TSPEAR: variants seen among roughly 807,000 people sequenced by gnomAD.
The protein encoded by TSPEAR is thrombospondin-type laminin G domain and EAR repeat-containing protein.
In TSPEAR, 69 loss-of-function variants were observed where a neutral mutation model predicts 71.6. That is an observed-to-expected ratio of 0.96 (90% CI 0.79 to 1.18). TSPEAR has a LOEUF of 1.18. Ranked by LOEUF, TSPEAR falls within the 50% of genes most tolerant of loss-of-function variation. The pLI, the probability that TSPEAR is intolerant of heterozygous loss-of-function variation, is 0.00. For missense variants in TSPEAR, 971 were observed against 894.9 expected, an observed-to-expected ratio of 1.09 and a Z score of -1.09; for synonymous variants, 402 against 387.2, an observed-to-expected ratio of 1.04 and a Z score of -0.45.
chr21:44,508,962 C>A, intron 10 of TSPEAR: 1 of 1,537,216 alleles, frequency 6.5e-7, no homozygotes, highest in Non-Finnish European at 8.8e-7. Context: ...ACTCCGCACA[C>A]AGCACCCGGC....
intron 1 of TSPEAR, among the ~76,000 whole-genome samples, chr21:44,703,017 C>T (rs1444661711): frequency 4.6e-5 from 7 of 152,184 alleles, no homozygotes; most frequent in Admixed American, 1.3e-4. Context: ...TGAAGGGCCC[C>T]GGGTGTTCCC....
chr21:44,652,407 G>A (rs1359990947), intron 1 of TSPEAR, among the ~76,000 whole-genome samples: 1 of 152,216 alleles, frequency 6.6e-6, no homozygotes, highest in Non-Finnish European at 1.5e-5. Flanking sequence ...TACCAGCACA[G>A]GCCACTTGAG....
intron 2 of TSPEAR, among the ~76,000 whole-genome samples, chr21:44,540,549 G>A (rs1234567574): frequency 1.3e-5 from 2 of 152,190 alleles, no homozygotes; most frequent in Non-Finnish European, 2.9e-5. Flanking sequence ...TGGCATGCCA[G>A]GGTGAGAGCT....
At chr21:44,529,768 G>T in intron 5 of TSPEAR, 30 bp downstream of exon 5, 1 of 1,612,572 alleles carries the variant, frequency 6.2e-7, no homozygotes. Context: ...ATCTGCCTTT[G>T]GTGTGGGGGC....
rs192748613 is a variant in TSPEAR, at chr21:44,513,920, G to A, written c.1567-4534C>T. Among the ~76,000 whole-genome samples the A allele has an allele frequency of 1.5e-3, 225 of 152,260 alleles. 1 individual carries two copies. Among genetic ancestry groups the A allele is most frequent in the African/African-American group, 4.9e-3 (203 of 41,560 alleles). ...AGCATCCCGGGTGGCCATGGGGGCA[G>A]CGCTACTGGATGACAGGTGACTCCC... On this transcript the variant is annotated intron_variant, in intron 9 of 11. Transcript: ENST00000323084.
rs1601566753 is a variant in TSPEAR, at chr21:44,687,226, T to C, written c.82+24207A>G. Among the ~76,000 whole-genome samples, 1 of 151,496 alleles carries C rather than the reference T, an allele frequency of 6.6e-6. No homozygotes were observed. Among genetic ancestry groups the C allele is most frequent in the Non-Finnish European group, 1.5e-5 (1 of 67,882 alleles). ...CCACTGAGGCGGTGTGACAGGGAGG[T>C]AGATTTCAGCTCAGCAGGAGGAAGG... On this transcript the variant is annotated intron_variant, in intron 1 of 11. Transcript: ENST00000323084. The surrounding 1 kb of genome is among the most constrained non-coding windows in gnomAD (Gnocchi z 4.4).
At chr21:44,508,830 C>T (rs782206335) in intron 10 of TSPEAR, 94 of 1,375,582 alleles carry the variant, frequency 6.8e-5, no homozygotes, top group East Asian at 8.8e-5. Flanking sequence ...AGCGGGCACT[C>T]GAAGCCTGCA....
In TSPEAR at chr21:44,521,892, C is replaced by G. The variant is rs1555914311; in HGVS notation, c.1557G>C (p.Gln519His). The change falls in exon 9 of 12, where the codon CAG (glutamine) becomes CAC (histidine). Residue 519 changes from glutamine (Q) to histidine (H), a missense_variant. Physicochemically the swap from Gln to His is conservative, Grantham distance 24. Transcript: ENST00000323084. Reference protein sequence around the residue: ...IRLLGSFQLFQSFPTFGAADW... With the variant: ...IRLLGSFQLFHSFPTFGAADW... The stretch of plus-strand genomic sequence containing the variant: ...ATGCGGGGGGCCTTACCGGGAAGGA[C>G]TGGAAGAGCTGGAAGGAGCCCAGGA... The G allele has an allele frequency of 6.2e-7, 1 of 1,613,452 alleles. No individual in the cohort carries two copies. The highest frequency in any genetic ancestry group is 1.3e-5 in the African/African-American group (1 of 74,924).
At chr21:44,625,980 T>C (rs2146199868) in intron 1 of TSPEAR, among the ~76,000 whole-genome samples, 1 of 152,324 alleles carries the variant, frequency 6.6e-6, no homozygotes, top group African/African-American at 2.4e-5. Context: ...CAGCTGGCCA[T>C]AGCTGGTCAA....
At chr21:44,565,675 G>T (rs233325) in intron 2 of TSPEAR, among the ~76,000 whole-genome samples, 1 of 151,932 alleles carries the variant, frequency 6.6e-6, no homozygotes, top group Non-Finnish European at 1.5e-5. Flanking sequence ...ATCCTTTCAT[G>T]TTAAAAACAC....
chr21:44,566,632 A>G (rs1555921769), intron 2 of TSPEAR, among the ~76,000 whole-genome samples: 1 of 152,200 alleles, frequency 6.6e-6, no homozygotes, highest in East Asian at 1.9e-4. Context: ...TACTACAGTA[A>G]CCAAGACTGT....
intron 1 of TSPEAR, among the ~76,000 whole-genome samples, chr21:44,578,532 G>T (rs462254): frequency 2.0e-5 from 3 of 152,084 alleles, no homozygotes; most frequent in Non-Finnish European, 4.4e-5. Flanking sequence ...TGTCGGCGAG[G>T]GTGCTAGGGA....
intron 2 of TSPEAR, among the ~76,000 whole-genome samples, chr21:44,565,164 G>A (rs11910575): frequency 0.26 from 40,257 of 152,000 alleles, 6,093 homozygotes; most frequent in East Asian, 0.4. Flanking sequence ...GTTTATAGTT[G>A]TAAATACCTG....
intron 1 of TSPEAR, chr21:44,647,183 A>G (rs200236653): frequency 1.4e-4 from 220 of 1,610,164 alleles, no homozygotes; most frequent in Middle Eastern, 1.7e-4. Context: ...CTCCTCTGCC[A>G]CCCCGTGTGC....
At chr21:44,579,252 G>A (rs1439138432) in intron 1 of TSPEAR, among the ~76,000 whole-genome samples, 6 of 152,138 alleles carry the variant, frequency 3.9e-5, no homozygotes, top group African/African-American at 1.4e-4. Flanking sequence ...ACCAGGCTCA[G>A]GAAGACCCAG....
chr21:44,517,407 CACAGGG>C (rs2052610052), intron 9 of TSPEAR: 2 of 222,690 alleles, frequency 9.0e-6, no homozygotes, highest in Admixed American at 5.4e-5. Flanking sequence ...GTACACGTGA[CACAGGG>C]ACAAGCTGGG....
At chr21:44,592,850 C>G (rs1034064028) in intron 1 of TSPEAR, among the ~76,000 whole-genome samples, 56 of 152,146 alleles carry the variant, frequency 3.7e-4, no homozygotes, top group African/African-American at 1.4e-3. Flanking sequence ...CAGGAAGTGT[C>G]CTTGTGGTGA....
chr21:44,584,106 GCCCCTGTGAA>G (rs1433595417), intron 1 of TSPEAR, among the ~76,000 whole-genome samples: 1 of 152,036 alleles, frequency 6.6e-6, no homozygotes, highest in Non-Finnish European at 1.5e-5. Flanking sequence ...CTGCACCCCC[GCCCCTGTGAA>G]CCCCCACTCT....
intron 1 of TSPEAR, chr21:44,676,856 G>A (rs1986336910): frequency 1.1e-6 from 1 of 950,532 alleles, no homozygotes; most frequent in Non-Finnish European, 1.7e-6. Flanking sequence ...AATGTGATGT[G>A]CTGCTTTTCT....
Sources: allele counts gnomAD v4.1 joint callset (sites outside exome capture counted in the v4.1 genomes callset), GRCh38; gene constraint gnomAD v4.1.1; non-coding constraint Gnocchi (gnomAD v3.1); transcripts MANE v1.5; gene names NCBI Gene and HGNC (gene_info 2026-07-23, HGNC 2026-07-21).